FMNL2: variants seen among roughly 807,000 people sequenced by gnomAD.
FMNL2 encodes formin-like protein 2.
In FMNL2, 51 loss-of-function variants were observed where a neutral mutation model predicts 130.2. The ratio of observed to expected loss-of-function variants is 0.39; its 90% CI spans 0.31 to 0.49. The LOEUF (loss-of-function observed/expected upper bound fraction) is 0.49. FMNL2 is among the 20% of genes least tolerant of loss of function. FMNL2 has a pLI of 0.85. For synonymous variants in FMNL2, 465 were observed against 467.1 expected (o/e 1.00, Z 0.06); for missense variants, 977 against 1,316.2 (o/e 0.74, Z 3.99).
At chr2:152,378,157 T>C (rs1684274973) in intron 1 of FMNL2, among the ~76,000 whole-genome samples, 1 of 151,968 alleles carries the variant, frequency 6.6e-6, no homozygotes, top group African/African-American at 2.4e-5. Context: ...CAGCCTGTGT[T>C]TACTCTGCAA....
At chr2:152,454,763 G>A (rs1688858803) in intron 1 of FMNL2, among the ~76,000 whole-genome samples, 1 of 152,194 alleles carries the variant, frequency 6.6e-6, no homozygotes, top group Non-Finnish European at 1.5e-5. Context: ...GCATACAAGA[G>A]GAAGGGATTG....
At chr2:152,548,335 G>A (rs577593279) in intron 3 of FMNL2, among the ~76,000 whole-genome samples, 1 of 152,266 alleles carries the variant, frequency 6.6e-6, no homozygotes, top group South Asian at 2.1e-4. Flanking sequence ...TGTGTTTGAC[G>A]GGGGAAAGTT....
chr2:152,644,722 T>A (rs1179634166), intron 25 of FMNL2, among the ~76,000 whole-genome samples: 1 of 152,238 alleles, frequency 6.6e-6, no homozygotes, highest in Non-Finnish European at 1.5e-5. Flanking sequence ...AAACCCAGGC[T>A]ATTTCTTCTG....
At chr2:152,447,792 G>A (rs1302783943) in intron 1 of FMNL2, among the ~76,000 whole-genome samples, 1 of 151,782 alleles carries the variant, frequency 6.6e-6, no homozygotes, top group Non-Finnish European at 1.5e-5. Context: ...CCTTTTCTTT[G>A]ACTGTCGTTT....
chr2:152,388,567 C>T (rs111804625), intron 1 of FMNL2, among the ~76,000 whole-genome samples: 8,829 of 152,112 alleles, frequency 0.058, 531 homozygotes, highest in Admixed American at 0.2. Flanking sequence ...ATTATGGGAA[C>T]TACAATTCAA....
At chr2:152,425,238 A>G (rs964925072) in intron 1 of FMNL2, among the ~76,000 whole-genome samples, 1 of 152,238 alleles carries the variant, frequency 6.6e-6, no homozygotes, top group African/African-American at 2.4e-5. Flanking sequence ...TTATAAAGCT[A>G]TAGACGGGTC....
At chr2:152,625,326 G>A (rs907726571) in intron 15 of FMNL2, 112 bp from the exon 16 acceptor site, 42 of 1,332,550 alleles carry the variant, frequency 3.2e-5, no homozygotes, top group Non-Finnish European at 4.2e-5. Flanking sequence ...CGCGCCTCTT[G>A]CCAACCTTCC....
intron 15 of FMNL2, among the ~76,000 whole-genome samples, chr2:152,623,074 TTC>T (rs1681474592): frequency 6.6e-6 from 1 of 152,162 alleles, no homozygotes; most frequent in Non-Finnish European, 1.5e-5. Flanking sequence ...GAGGAGAACT[TTC>T]TTGCCTGTGT....
intron 9 of FMNL2, among the ~76,000 whole-genome samples, chr2:152,593,166 A>G (rs1260422232): frequency 6.6e-6 from 1 of 152,208 alleles, no homozygotes; most frequent in African/African-American, 2.4e-5. Context: ...GTTACAGAAC[A>G]AAACATGGCA....
At chr2:152,434,352 G>C (rs1687638964) in intron 1 of FMNL2, among the ~76,000 whole-genome samples, 3 of 152,166 alleles carry the variant, frequency 2.0e-5, no homozygotes, top group Admixed American at 2.0e-4. Context: ...CATATGACCT[G>C]GTGGCCCTTT....
chr2:152,566,708 A>T (rs1290150775), intron 6 of FMNL2, among the ~76,000 whole-genome samples: 4 of 152,228 alleles, frequency 2.6e-5, no homozygotes, highest in Non-Finnish European at 5.9e-5. Context: ...AAGTATATAT[A>T]TGTTTGTGTG....
intron 17 of FMNL2, 121 bp downstream of exon 17, chr2:152,626,848 A>G (rs1681822798): frequency 2.0e-6 from 2 of 1,025,040 alleles, no homozygotes; most frequent in Non-Finnish European, 2.8e-6. Flanking sequence ...AGCTGGAGCA[A>G]TTTTTGATAT....
At chr2:152,392,046 C>CT (rs1204203032) in intron 1 of FMNL2, among the ~76,000 whole-genome samples, 9 of 150,686 alleles carry the variant, frequency 6.0e-5, no homozygotes, top group African/African-American at 2.2e-4. Context: ...ATAATTCATT[C>CT]TTTAATTTCA....
At chr2:152,593,652 A>G (rs1283590977) in intron 9 of FMNL2, among the ~76,000 whole-genome samples, 2 of 152,216 alleles carry the variant, frequency 1.3e-5, no homozygotes, top group African/African-American at 4.8e-5. Context: ...ATATACACTT[A>G]ATGAAGAGGA....
intron 25 of FMNL2, among the ~76,000 whole-genome samples, chr2:152,642,607 T>C (rs1000268926): frequency 1.3e-4 from 20 of 152,344 alleles, no homozygotes; most frequent in Non-Finnish European, 2.8e-4. Flanking sequence ...AACTCCACCC[T>C]GAGCAAGACC....
At chr2:152,366,318 C>T (rs763456574) in intron 1 of FMNL2, among the ~76,000 whole-genome samples, 46 of 151,022 alleles carry the variant, frequency 3.0e-4, no homozygotes, top group South Asian at 1.3e-3. Context: ...GGGATAGCAT[C>T]AGGAGATATA....
At chr2:152,487,644 T>C (rs529319206) in intron 1 of FMNL2, among the ~76,000 whole-genome samples, 7 of 152,282 alleles carry the variant, frequency 4.6e-5, no homozygotes, top group Admixed American at 1.3e-4. Context: ...ATCTTTAAAA[T>C]GTATGTGAAA....
chr2:152,482,599 C>A (rs1690587510), intron 1 of FMNL2, among the ~76,000 whole-genome samples: 1 of 152,192 alleles, frequency 6.6e-6, no homozygotes, highest in African/African-American at 2.4e-5. Context: ...TGAATTCTGG[C>A]TTTTCCACTT....
intron 2 of FMNL2, among the ~76,000 whole-genome samples, chr2:152,529,870 G>C (rs1340868426): frequency 2.0e-5 from 3 of 152,136 alleles, no homozygotes; most frequent in Non-Finnish European, 4.4e-5. Flanking sequence ...TGTCAGAAAT[G>C]CTGTTTGGTA....
Sources: gnomAD v4.1 joint callset for allele counts (sites outside exome capture counted in the v4.1 genomes callset) on GRCh38, gnomAD v4.1.1 for gene constraint, MANE v1.5 for transcripts, NCBI Gene and HGNC (gene_info 2026-07-23, HGNC 2026-07-21) for gene names.